NAALADL2: variants seen among roughly 807,000 people sequenced by gnomAD.
NAALADL2 encodes N-acetylated alpha-linked acidic dipeptidase like 2.
NAALADL2 carries 76 observed loss-of-function variants against 87.2 expected under a neutral mutation model. The ratio of observed to expected loss-of-function variants is 0.87; its 90% confidence interval spans 0.72 to 1.05. The LOEUF (loss-of-function observed/expected upper bound fraction) is 1.05. Ranked by LOEUF, NAALADL2 falls within the 50% of genes least tolerant of loss-of-function variation. The probability of loss-of-function intolerance (pLI) is 0.00; values close to 1 mark genes in which losing one functional copy is unlikely to be tolerated. For missense variants in NAALADL2, 1,089 were observed against 945.8 expected, an observed-to-expected ratio of 1.15 and a Z score of -1.99; for synonymous variants, 354 against 331.0, an observed-to-expected ratio of 1.07 and a Z score of -0.75.
At chr3:174,996,568 T>G (rs1747494435) in intron 1 of NAALADL2, among the ~76,000 whole-genome samples, 1 of 152,074 alleles carries the variant, frequency 6.6e-6, no homozygotes, top group Non-Finnish European at 1.5e-5. Context: ...ACTTGAGCAC[T>G]GCTGCTCCTA....
chr3:174,815,204 C>A (rs2109309313), intron 3 of NAALADL2, among the ~76,000 whole-genome samples: 1 of 152,176 alleles, frequency 6.6e-6, no homozygotes. Flanking sequence ...GCTGTTGTAA[C>A]AAAGTATACC....
rs776131334 is a variant in NAALADL2, at chr3:175,755,284, T to G, written c.2055T>G (p.Leu685=). 1.1e-5 allele frequency: 17 copies of G among 1,613,512 alleles called. No homozygotes were observed. Among genetic ancestry groups the G allele is most frequent in the African/African-American group, 1.3e-5 (1 of 74,884 alleles). ...TACGCCTGCGGGAGAGTGCTGAACT[T>G]TTTCAGTCTGATGAGATGCGACCTG... is the stretch of plus-strand genomic sequence containing the variant. ...MALRLRESAE[L]FQSDEMRPAN... The change falls in exon 13 of 14, where the codon CTT becomes CTG. Residue 685 remains leucine, a synonymous_variant. Coordinates refer to ENST00000454872, the MANE Select transcript of NAALADL2 (RefSeq NM_207015.3).
chr3:175,777,971 G>A (rs774234272), intron 13 of NAALADL2, among the ~76,000 whole-genome samples: 7 of 152,110 alleles, frequency 4.6e-5, no homozygotes, highest in Admixed American at 3.3e-4. Context: ...GTTAAAATAC[G>A]TTTAGCATAA....
At chr3:175,753,062 C>T (rs1005045658) in intron 12 of NAALADL2, among the ~76,000 whole-genome samples, 1 of 152,068 alleles carries the variant, frequency 6.6e-6, no homozygotes, top group African/African-American at 2.4e-5. Flanking sequence ...ACTTAAAATA[C>T]CCATTCTTGC....
At chr3:175,359,345 G>C (rs1764724465) in intron 5 of NAALADL2, among the ~76,000 whole-genome samples, 1 of 151,968 alleles carries the variant, frequency 6.6e-6, no homozygotes, top group South Asian at 2.1e-4. Flanking sequence ...ATTTTTCCAA[G>C]ATCATATTAG....
At chr3:174,620,642 C>A (rs1720910124) in intron 2 of NAALADL2, among the ~76,000 whole-genome samples, 1 of 151,870 alleles carries the variant, frequency 6.6e-6, no homozygotes, top group East Asian at 1.9e-4. Flanking sequence ...TTTATCAGAG[C>A]AATTAAAGAA....
chr3:174,792,963 A>G (rs1165549818), intron 3 of NAALADL2, among the ~76,000 whole-genome samples: 1 of 152,024 alleles, frequency 6.6e-6, no homozygotes, highest in Non-Finnish European at 1.5e-5. Context: ...AGAGTTTTGG[A>G]TGGACTTATG....
chr3:175,088,880 G>T (rs73176731), intron 1 of NAALADL2, among the ~76,000 whole-genome samples: 32,265 of 152,146 alleles, frequency 0.21, 3,733 homozygotes, highest in Non-Finnish European at 0.27. Context: ...TCTTTTTCCA[G>T]TGTAAACTAC....
intron 11 of NAALADL2, among the ~76,000 whole-genome samples, chr3:175,697,076 T>G (rs1299127036): frequency 6.6e-6 from 1 of 152,056 alleles, no homozygotes; most frequent in African/African-American, 2.4e-5. Context: ...TAGCACCCAC[T>G]ATGGAATTTT....
chr3:175,226,924 C>T (rs1220504599), intron 2 of NAALADL2, among the ~76,000 whole-genome samples: 1 of 152,020 alleles, frequency 6.6e-6, no homozygotes, highest in East Asian at 1.9e-4. Context: ...TTAAATTTAT[C>T]ACACATATAT....
At chr3:174,965,574 A>G (rs890715596) in intron 1 of NAALADL2, among the ~76,000 whole-genome samples, 1 of 152,172 alleles carries the variant, frequency 6.6e-6, no homozygotes, top group African/African-American at 2.4e-5. Flanking sequence ...GTTAATTGAA[A>G]TTAGATATAC....
chr3:174,896,137 C>T (rs1365964661), intron 1 of NAALADL2, among the ~76,000 whole-genome samples: 2 of 152,084 alleles, frequency 1.3e-5, no homozygotes, highest in African/African-American at 4.8e-5. Flanking sequence ...AGAATACCAC[C>T]TGTCACCACT....
intron 4 of NAALADL2, among the ~76,000 whole-genome samples, chr3:175,318,549 T>C (rs1166175256): frequency 1.3e-5 from 2 of 152,186 alleles, no homozygotes; most frequent in Admixed American, 6.5e-5. Context: ...TGAAAGAAGA[T>C]ATAAAAATGA....
At chr3:175,692,719 A>C (rs555517377) in intron 11 of NAALADL2, among the ~76,000 whole-genome samples, 4 of 152,262 alleles carry the variant, frequency 2.6e-5, no homozygotes, top group Middle Eastern at 3.4e-3. Flanking sequence ...TGAGAACTTG[A>C]AGATAAAGTG....
intron 13 of NAALADL2, among the ~76,000 whole-genome samples, chr3:175,801,683 C>T (rs1754168091): frequency 6.6e-6 from 1 of 152,076 alleles, no homozygotes; most frequent in Admixed American, 6.6e-5. Context: ...CCTTACATCT[C>T]TACTATAACA....
chr3:174,793,667 C>G (rs1717727978), intron 3 of NAALADL2, among the ~76,000 whole-genome samples: 1 of 152,078 alleles, frequency 6.6e-6, no homozygotes, highest in Non-Finnish European at 1.5e-5. Flanking sequence ...GGACAAAAGT[C>G]TAAGTTTCAT....
chr3:175,466,870 A>T (rs1248149754), intron 7 of NAALADL2, 109 bp from the exon 8 acceptor site: 6 of 879,390 alleles, frequency 6.8e-6, no homozygotes, highest in Non-Finnish European at 1.1e-5. Context: ...TATTAGAGCA[A>T]TTTTGCTTAA....
At chr3:175,311,225 A>AT (rs58374410) in intron 4 of NAALADL2, among the ~76,000 whole-genome samples, 86,015 of 144,326 alleles carry the variant, frequency 0.6, 25,703 homozygotes, top group African/African-American at 0.7. Flanking sequence ...TAGAACATGG[A>AT]TTTTTTTTTT....
intron 1 of NAALADL2, among the ~76,000 whole-genome samples, chr3:174,455,339 CA>C (rs1229952882): frequency 1.3e-5 from 2 of 152,202 alleles, no homozygotes; most frequent in South Asian, 4.2e-4. Context: ...GAGACTCTTA[CA>C]AAAAACTGAA....
Sources: gnomAD v4.1 joint callset for allele counts (sites outside exome capture counted in the v4.1 genomes callset) on GRCh38, gnomAD v4.1.1 for gene constraint, MANE v1.5 for transcripts, NCBI Gene and HGNC (gene_info 2026-07-23, HGNC 2026-07-21) for gene names.